CCDC7: variants seen among roughly 807,000 people sequenced by gnomAD.
CCDC7 encodes coiled-coil domain containing 7, also known as coiled-coil domain-containing protein 7.
CCDC7 carries 183 observed loss-of-function variants against 196.9 expected under a neutral mutation model. That is an observed-to-expected ratio of 0.93 (90% confidence interval 0.82 to 1.05). CCDC7 has a LOEUF of 1.05. CCDC7 is among the 50% of genes least tolerant of loss of function. The probability of loss-of-function intolerance (pLI) is 0.00; values close to 1 mark genes in which losing one functional copy is unlikely to be tolerated. For missense variants in CCDC7, 1,540 were observed against 1,482.2 expected, an observed-to-expected ratio of 1.04 and a Z score of -0.64; for synonymous variants, 525 against 484.6, an observed-to-expected ratio of 1.08 and a Z score of -1.10.
intron 25 of CCDC7, among the ~76,000 whole-genome samples, chr10:32,712,067 A>T (rs1196499746): frequency 2.0e-5 from 3 of 152,130 alleles, no homozygotes; most frequent in Admixed American, 6.5e-5. Flanking sequence ...GTCAGTAGGC[A>T]GAAGTATTGC....
intron 33 of CCDC7, among the ~76,000 whole-genome samples, chr10:32,842,508 G>A (rs753136981): frequency 1.3e-5 from 2 of 152,032 alleles, no homozygotes; most frequent in Non-Finnish European, 2.9e-5. Flanking sequence ...ATGTAAACTA[G>A]TACAACCACT....
chr10:32,520,497 A>G (rs939188885), intron 11 of CCDC7, among the ~76,000 whole-genome samples: 3 of 151,942 alleles, frequency 2.0e-5, no homozygotes, highest in African/African-American at 7.2e-5. Flanking sequence ...TTATATGCCT[A>G]TTTGCCATTT....
intron 29 of CCDC7, among the ~76,000 whole-genome samples, chr10:32,794,403 T>G (rs2083213919): frequency 6.6e-6 from 1 of 152,228 alleles, no homozygotes. Context: ...TGTGTCTTTT[T>G]GGTAGAATGA....
chr10:32,584,848 A>G (rs1330622673), intron 18 of CCDC7, among the ~76,000 whole-genome samples: 1 of 151,742 alleles, frequency 6.6e-6, no homozygotes, highest in East Asian at 1.9e-4. Flanking sequence ...GGGAAGCAAT[A>G]GCTTTATCTC....
rs71515561 is a variant in CCDC7, at chr10:32,474,398, AT to A, written c.796+384del. On this transcript the variant is annotated intron_variant, in intron 8 of 41. Transcript: ENST00000639629. The stretch of plus-strand genomic sequence containing the variant: ...ACCACCACACCCAGCTAACTTTTGT[AT>A]TTTTTTTTCTTTTTTTTTTAGTAGA... Among the ~76,000 whole-genome samples the A allele has an allele frequency of 6.6e-3, 959 of 146,208 alleles. 6 individuals carry two copies. Among genetic ancestry groups the A allele is most frequent in the African/African-American group, 0.023 (897 of 39,430 alleles).
chr10:32,584,536 T>A (rs890063689), intron 18 of CCDC7, among the ~76,000 whole-genome samples: 8 of 151,366 alleles, frequency 5.3e-5, no homozygotes, highest in African/African-American at 1.9e-4. Flanking sequence ...GGCGGGTGGA[T>A]CACGAGGTCA....
intron 9 of CCDC7, among the ~76,000 whole-genome samples, chr10:32,498,308 A>T (rs1259985754): frequency 6.6e-6 from 1 of 152,000 alleles, no homozygotes; most frequent in Non-Finnish European, 1.5e-5. Flanking sequence ...GGTCTCCTGC[A>T]CACCAGTGGG....
intron 29 of CCDC7, among the ~76,000 whole-genome samples, chr10:32,801,505 C>CATTA (rs2084783820): frequency 3.3e-5 from 5 of 152,188 alleles, no homozygotes; most frequent in Admixed American, 3.3e-4. Context: ...TTCCTTCCAC[C>CATTA]ATTATCCTAC....
At chr10:32,690,155 C>G (rs1385862763) in intron 23 of CCDC7, among the ~76,000 whole-genome samples, 4 of 152,200 alleles carry the variant, frequency 2.6e-5, no homozygotes, top group Non-Finnish European at 5.9e-5. Flanking sequence ...GTAACTGTAT[C>G]TTGTCTGAAC....
rs753827377 is a variant in CCDC7, at chr10:32,474,071, C to T, written c.796+48C>T. On this transcript the variant is annotated intron_variant, in intron 8 of 41. Coordinates refer to ENST00000639629, the Ensembl canonical transcript of CCDC7. ...ATTATTGTGATAATAACCTCTGTTA[C>T]ATTAATTTCTATAAAGTAATAATTA... is the stretch of plus-strand genomic sequence containing the variant. The T allele has an allele frequency of 5.7e-6, 9 of 1,573,550 alleles. No homozygotes were observed. In the South Asian group the frequency reaches 8.2e-5, roughly 14 times the overall value.
chr10:32,467,644 C>T (rs552589077), intron 5 of CCDC7, among the ~76,000 whole-genome samples: 1 of 152,264 alleles, frequency 6.6e-6, no homozygotes, highest in Non-Finnish European at 1.5e-5. Context: ...TTGGCATCTT[C>T]ATGGAGTCTT....
exon 16 of CCDC7, chr10:32,571,892 A>T: frequency 6.4e-7 from 1 of 1,570,720 alleles, no homozygotes; most frequent in African/African-American, 1.4e-5. Flanking sequence ...GATTGAAAAG[A>T]GGTAAAACAC....
At chr10:32,753,750 A>G (rs2075998352) in intron 28 of CCDC7, among the ~76,000 whole-genome samples, 1 of 152,182 alleles carries the variant, frequency 6.6e-6, no homozygotes, top group African/African-American at 2.4e-5. Context: ...AATTACTCTT[A>G]GAACATGCAA....
intron 15 of CCDC7, among the ~76,000 whole-genome samples, chr10:32,568,624 T>C (rs2136991322): frequency 6.6e-6 from 1 of 152,286 alleles, no homozygotes; most frequent in East Asian, 1.9e-4. Context: ...AAATATAGGA[T>C]TGTCTGTCAG....
intron 11 of CCDC7, 37 bp downstream of exon 12, chr10:32,518,542 C>T: frequency 2.0e-6 from 3 of 1,509,030 alleles, no homozygotes; most frequent in Non-Finnish European, 2.7e-6. Flanking sequence ...TGGCATACAC[C>T]TAATAAGGCT....
intron 40 of CCDC7, among the ~76,000 whole-genome samples, chr10:32,852,437 A>T (rs1030081999): frequency 6.6e-6 from 1 of 152,152 alleles, no homozygotes; most frequent in African/African-American, 2.4e-5. Context: ...AGGCATCATT[A>T]TATAATTATC....
intron 5 of CCDC7, among the ~76,000 whole-genome samples, chr10:32,469,320 G>A (rs1245579286): frequency 6.6e-6 from 1 of 152,230 alleles, no homozygotes; most frequent in Non-Finnish European, 1.5e-5. Context: ...GTAGAAGATA[G>A]AGGGAACAAC....
chr10:32,829,045 A>G (rs574225874), intron 32 of CCDC7, among the ~76,000 whole-genome samples: 1 of 152,298 alleles, frequency 6.6e-6, no homozygotes, highest in East Asian at 1.9e-4. Flanking sequence ...TACATTGTTG[A>G]CTTGGGTGAT....
At chr10:32,524,433 A>G (rs2048358422) in intron 11 of CCDC7, among the ~76,000 whole-genome samples, 1 of 152,126 alleles carries the variant, frequency 6.6e-6, no homozygotes, top group Non-Finnish European at 1.5e-5. Context: ...ATGGTGTTAC[A>G]TGATTCTGTG....
Sources: allele counts gnomAD v4.1 joint callset (sites outside exome capture counted in the v4.1 genomes callset), GRCh38; gene constraint gnomAD v4.1.1; transcripts MANE v1.5; gene names NCBI Gene and HGNC (gene_info 2026-07-23, HGNC 2026-07-21).